The following COL27A1 variants were observed in gnomAD, a reference collection of about 807,000 sequenced individuals.
The protein encoded by COL27A1 is collagen alpha-1(XXVII) chain.
In COL27A1, 106 loss-of-function variants were observed where a neutral mutation model predicts 251.3. The observed-to-expected ratio is 0.42, with a 90% confidence interval of 0.36 to 0.50. The LOEUF (loss-of-function observed/expected upper bound fraction) is 0.50. COL27A1 is among the 20% of genes least tolerant of loss of function. The pLI, the probability that COL27A1 is intolerant of heterozygous loss-of-function variation, is 0.00. For synonymous variants in COL27A1, 1,000 were observed against 986.3 expected (o/e 1.01, Z -0.26); for missense variants, 2,325 against 2,522.8 (o/e 0.92, Z 1.68).
intron 41 of COL27A1, 113 bp from the exon 42 acceptor site, chr9:114,288,342 T>C: frequency 1.8e-6 from 2 of 1,101,882 alleles, no homozygotes; most frequent in Non-Finnish European, 2.7e-6. Context: ...TGTGTCCCCA[T>C]CTGTAACCCT....
At chr9:114,215,218 G>A (rs1037523720) in intron 12 of COL27A1, among the ~76,000 whole-genome samples, 3 of 152,282 alleles carry the variant, frequency 2.0e-5, no homozygotes, top group African/African-American at 7.2e-5. Context: ...CTGGGAGGAG[G>A]CAGGGCTTCT....
Position 114,222,120 on chromosome 9 carries a change from C to A in COL27A1, c.2422-103C>A, listed in dbSNP as rs1588692991. The A allele has an allele frequency of 8.2e-5, 83 of 1,015,326 alleles. No homozygotes were observed. In the East Asian group the frequency reaches 1.9e-3, roughly 24 times the overall value. The allele number at this position is 1,015,326 out of a possible 1,614,324, so 62.9% of individuals were successfully genotyped here. On this transcript the variant is annotated intron_variant, in intron 13 of 60. Transcript: ENST00000356083. ...GTGGTCAGGAATAAGGAGTGTTCAG[C>A]TCTGAAAGACCCCACCAGGTGCCTG...
rs148448277 is a variant in COL27A1 at position 114,168,277 on chromosome 9, C to A, written c.722C>A (p.Thr241Lys). The change falls in exon 3 of 61, where the codon ACG (threonine) becomes AAG (lysine). Residue 241 changes from threonine (T) to lysine (K), a missense_variant. Thr to Lys is a moderately conservative substitution (Grantham distance 78). Around this residue, in one of 4 missense-constraint regions of COL27A1, gnomAD observed 1,183 missense variants for 1,144.1 expected, o/e 1.03. Transcript: ENST00000356083. Reference protein sequence around the residue: ...HLRKQCGQADTYQSPLGPLFS... With the variant: ...HLRKQCGQADKYQSPLGPLFS... Reference sequence around the variant, plus strand: ...AGGAAGCAGTGTGGACAGGCTGACACGTACCAGTCCCCACTGGGACCTCTC... The same window carrying A: ...AGGAAGCAGTGTGGACAGGCTGACAAGTACCAGTCCCCACTGGGACCTCTC... The A allele has an allele frequency of 8.7e-6, 14 of 1,613,586 alleles. No homozygotes were observed. Among genetic ancestry groups the A allele is most frequent in the Non-Finnish European group, 1.2e-5 (14 of 1,179,974 alleles).
At chr9:114,262,853 A>G (rs1302337328) in intron 28 of COL27A1, among the ~76,000 whole-genome samples, 1 of 151,578 alleles carries the variant, frequency 6.6e-6, no homozygotes, top group Non-Finnish European at 1.5e-5. Flanking sequence ...GCGGTGTGGG[A>G]TTGAAGCATA....
At chr9:114,155,271 G>A (rs940138627), upstream of COL27A1, among the ~76,000 whole-genome samples, 1 of 151,980 alleles carries the variant, frequency 6.6e-6, no homozygotes, top group Non-Finnish European at 1.5e-5. The surrounding 1 kb of genome is among the most constrained non-coding windows in gnomAD (Gnocchi z 5.5). Context: ...CCAGTCAGAA[G>A]TTCCTAATCT....
intron 17 of COL27A1, among the ~76,000 whole-genome samples, chr9:114,236,667 T>C (rs1261427399): frequency 6.6e-6 from 1 of 152,164 alleles, no homozygotes; most frequent in African/African-American, 2.4e-5. Flanking sequence ...GGCTCTTCCC[T>C]ACTGGACCCT....
At chr9:114,219,144 C>T (rs564113945) in intron 12 of COL27A1, among the ~76,000 whole-genome samples, 2 of 152,276 alleles carry the variant, frequency 1.3e-5, no homozygotes, top group South Asian at 2.1e-4. Context: ...CTCCCCAGAG[C>T]GTGGAGCGGC....
chr9:114,195,283 TCACTGCTAGGTGTTTG>T (rs1321188864), intron 6 of COL27A1, among the ~76,000 whole-genome samples: 5 of 152,224 alleles, frequency 3.3e-5, no homozygotes, highest in Admixed American at 3.3e-4. Context: ...CTTCACATCC[TCACTGCTAGGTGTTTG>T]CACTTAGCAC....
At chr9:114,291,905 G>A (rs1020976255) in intron 48 of COL27A1, among the ~76,000 whole-genome samples, 198 bp from the exon 49 acceptor site, 9 of 152,088 alleles carry the variant, frequency 5.9e-5, no homozygotes, top group African/African-American at 2.2e-4. Flanking sequence ...TGCGAGAGGA[G>A]AGACAGAGAC....
chr9:114,206,486 G>T (rs1331805436), intron 10 of COL27A1, among the ~76,000 whole-genome samples, 190 bp downstream of exon 10: 1 of 152,212 alleles, frequency 6.6e-6, no homozygotes. Flanking sequence ...AAACTGCTTG[G>T]TCCCCATGGC....
At chr9:114,265,626 A>G in intron 32 of COL27A1, 151 bp downstream of exon 32, 1 of 705,614 alleles carries the variant, frequency 1.4e-6, no homozygotes, top group Non-Finnish European at 2.4e-6. Flanking sequence ...GGCGAGCACT[A>G]AGCCAGGAGC....
chr9:114,269,232 T>C lies in COL27A1; in HGVS notation c.3502-9T>C. On this transcript the variant is annotated splice_polypyrimidine_tract_variant and intron_variant, in intron 34 of 60. Transcript: ENST00000356083. Reference sequence around the variant, plus strand: ...CCACCCGCAAGGACTTTTGTTCGGCTTCTCCTAGGGTGACCTTGGACCCCT... The same window carrying C: ...CCACCCGCAAGGACTTTTGTTCGGCCTCTCCTAGGGTGACCTTGGACCCCT... The C allele has an allele frequency of 5.7e-6, 9 of 1,577,614 alleles. No individual in the cohort carries two copies. The highest frequency in any genetic ancestry group is 7.8e-6 in the Non-Finnish European group (9 of 1,158,902).
intron 32 of COL27A1, among the ~76,000 whole-genome samples, chr9:114,266,274 G>A (rs115338923): frequency 0.01 from 1,541 of 152,152 alleles, 25 homozygotes; most frequent in African/African-American, 0.035. Flanking sequence ...TTCCAGGCAG[G>A]GGCAACAGAT....
intron 3 of COL27A1, among the ~76,000 whole-genome samples, chr9:114,175,882 T>C (rs987973847): frequency 6.6e-6 from 1 of 152,308 alleles, no homozygotes; most frequent in Admixed American, 6.5e-5. Flanking sequence ...CACTTGATAA[T>C]GTAGCAGAGG....
intron 49 of COL27A1, among the ~76,000 whole-genome samples, chr9:114,299,472 A>G (rs1828467887): frequency 6.6e-6 from 1 of 152,232 alleles, no homozygotes; most frequent in Non-Finnish European, 1.5e-5. Flanking sequence ...AGCAGAGGTC[A>G]GGAAAGGAGG....
At chr9:114,174,431 G>A (rs534210522) in intron 3 of COL27A1, among the ~76,000 whole-genome samples, 7 of 152,202 alleles carry the variant, frequency 4.6e-5, no homozygotes, top group African/African-American at 1.7e-4. Flanking sequence ...CAGAAGCAGG[G>A]GCCATGGGCG....
At chr9:114,261,300 T>TCTAGGAG (rs145584478) in intron 28 of COL27A1, among the ~76,000 whole-genome samples, 1 of 151,798 alleles carries the variant, frequency 6.6e-6, no homozygotes, top group Admixed American at 6.6e-5. Flanking sequence ...GACATCTTCC[T>TCTAGGAG]CGAGGAGCGG....
At chr9:114,182,767 G>A (rs1828030527) in intron 4 of COL27A1, among the ~76,000 whole-genome samples, 1 of 152,214 alleles carries the variant, frequency 6.6e-6, no homozygotes, top group Non-Finnish European at 1.5e-5. Context: ...CTTCAAAATA[G>A]TAATAACAAC....
intron 32 of COL27A1, 61 bp from the exon 33 acceptor site, chr9:114,266,504 G>C: frequency 6.8e-7 from 1 of 1,474,852 alleles, no homozygotes; most frequent in African/African-American, 1.4e-5. Flanking sequence ...CACCCCTCCA[G>C]ATCCCAAAGA....
Sources: allele counts gnomAD v4.1 joint callset (sites outside exome capture counted in the v4.1 genomes callset), GRCh38; gene constraint gnomAD v4.1.1; regional missense constraint gnomAD v4.1.1; non-coding constraint Gnocchi (gnomAD v3.1); transcripts MANE v1.5; gene names NCBI Gene and HGNC (gene_info 2026-07-23, HGNC 2026-07-21).